RNLS: variants seen among roughly 807,000 people sequenced by gnomAD.
RNLS encodes the protein renalase.
In RNLS, 39 loss-of-function variants were observed where a neutral mutation model predicts 39.8. The ratio of observed to expected loss-of-function variants is 0.98; its 90% CI spans 0.76 to 1.28. The LOEUF is 1.28. RNLS is among the 50% of genes most tolerant of loss of function. RNLS has a pLI of 0.00. For synonymous variants in RNLS, 147 were observed against 150.7 expected, an observed-to-expected ratio of 0.98 and a Z score of 0.18; for missense variants, 410 against 413.3, an observed-to-expected ratio of 0.99 and a Z score of 0.07.
At chr10:88,217,478 G>A in the RNLS span, among the ~76,000 whole-genome samples, 1 of 152,084 alleles carries the variant, frequency 6.6e-6, no homozygotes, top group Non-Finnish European at 1.5e-5. Flanking sequence ...CTCACTCTAG[G>A]AGTGTGATCT....
intron 4 of RNLS, among the ~76,000 whole-genome samples, chr10:88,498,864 T>C (rs981183747): frequency 2.0e-4 from 30 of 152,092 alleles, no homozygotes; most frequent in African/African-American, 6.8e-4. Context: ...GTAAATCTTT[T>C]TCGAAGTCTA....
chr10:88,357,415 A>T (rs564710752), intron 5 of RNLS, among the ~76,000 whole-genome samples: 1 of 152,262 alleles, frequency 6.6e-6, no homozygotes, highest in East Asian at 1.9e-4. Context: ...TGTTCTCTAC[A>T]TGACAGATAT....
At chr10:88,492,415 CT>C (rs1487456121) in intron 4 of RNLS, among the ~76,000 whole-genome samples, 1 of 95,630 alleles carries the variant, frequency 1.0e-5, no homozygotes, top group African/African-American at 4.0e-5. Context: ...AATTTTTTTT[CT>C]TTTTCTTTTT....
the RNLS span, among the ~76,000 whole-genome samples, chr10:88,208,528 G>A: frequency 1.3e-5 from 2 of 152,088 alleles, no homozygotes; most frequent in Non-Finnish European, 2.9e-5. Context: ...AATACCAATG[G>A]ACTAGAATAG....
the RNLS span, among the ~76,000 whole-genome samples, chr10:88,227,554 A>G: frequency 0.081 from 12,362 of 152,202 alleles, 606 homozygotes; most frequent in Non-Finnish European, 0.1. Context: ...AGAGCACAGC[A>G]TGTGTTGTTC....
intron 4 of RNLS, among the ~76,000 whole-genome samples, chr10:88,512,260 T>G (rs566678529): frequency 6.6e-6 from 1 of 152,312 alleles, no homozygotes; most frequent in Non-Finnish European, 1.5e-5. Context: ...GCAGTCTGTT[T>G]GCACCCTTTT....
chr10:88,196,826 T>C, the RNLS span, among the ~76,000 whole-genome samples: 1 of 152,212 alleles, frequency 6.6e-6, no homozygotes, highest in South Asian at 2.1e-4. Flanking sequence ...TAATAGCCAA[T>C]TGATAAAATA....
At chr10:88,362,510 A>T in intron 5 of RNLS, 42 bp downstream of exon 5, 4 of 1,570,716 alleles carry the variant, frequency 2.5e-6, no homozygotes, top group Non-Finnish European at 3.5e-6. Context: ...ATCTACACCC[A>T]CCATTGTTGC....
the RNLS span, among the ~76,000 whole-genome samples, chr10:88,262,973 T>C: frequency 1.3e-5 from 2 of 152,092 alleles, no homozygotes; most frequent in African/African-American, 2.4e-5. Context: ...TGGTTAAGAG[T>C]GTAAATTTCA....
At chr10:88,230,466 C>T in the RNLS span, among the ~76,000 whole-genome samples, 3 of 152,124 alleles carry the variant, frequency 2.0e-5, no homozygotes, top group Admixed American at 6.5e-5. Context: ...TCTTCCCTAA[C>T]GGCCTCCTGC....
intron 3 of RNLS, among the ~76,000 whole-genome samples, chr10:88,576,183 A>C (rs1403506510): frequency 6.6e-6 from 1 of 152,176 alleles, no homozygotes; most frequent in Non-Finnish European, 1.5e-5. Flanking sequence ...CTTAACATTT[A>C]TCATGCATCT....
intron 5 of RNLS, among the ~76,000 whole-genome samples, chr10:88,323,554 C>T (rs1234606266): frequency 6.6e-6 from 1 of 152,064 alleles, no homozygotes; most frequent in Non-Finnish European, 1.5e-5. Context: ...TAGGGATACG[C>T]AGTAGAATGA....
At chr10:88,234,210 G>A in the RNLS span, among the ~76,000 whole-genome samples, 3 of 151,496 alleles carry the variant, frequency 2.0e-5, no homozygotes, top group Non-Finnish European at 4.4e-5. Context: ...GAGAGAGGAG[G>A]CTTTAGTGCA....
the RNLS span, among the ~76,000 whole-genome samples, chr10:88,174,021 G>T: frequency 6.6e-6 from 1 of 151,692 alleles, no homozygotes; most frequent in Non-Finnish European, 1.5e-5. Flanking sequence ...TATTGTAAAT[G>T]GGATTACTTT....
At chr10:88,505,111 A>T (rs533315121) in intron 4 of RNLS, among the ~76,000 whole-genome samples, 1 of 152,034 alleles carries the variant, frequency 6.6e-6, no homozygotes, top group African/African-American at 2.4e-5. Flanking sequence ...TCTAAATAAC[A>T]TTCCCTATTA....
chr10:88,583,312 G>GGGCTTTGACAGGACCT lies in RNLS; in HGVS notation c.-123_-122insAGGTCCTGTCAAAGCC. ...GGTTCCGTGCTCCCTGGGCCGACCT[G>GGGCTTTGACAGGACCT]GGCCCTGAGCTTTCCTCCGGCCGGC... On this transcript the variant is annotated 5_prime_UTR_variant, in exon 1 of 7. Transcript: ENST00000331772. The GGGCTTTGACAGGACCT allele has an allele frequency of 6.8e-7, 1 of 1,464,858 alleles. No individual in the cohort carries two copies. The highest frequency in any genetic ancestry group is 9.0e-7 in the Non-Finnish European group (1 of 1,115,518). 90.7% of individuals were successfully genotyped at this position (1,464,858 alleles called of 1,614,324 possible). A position where few individuals can be genotyped will look rare whatever the true frequency, so the allele number is the denominator to read the frequency against.
chr10:88,411,954 G>A (rs889970941), intron 4 of RNLS, among the ~76,000 whole-genome samples: 2 of 152,060 alleles, frequency 1.3e-5, no homozygotes, highest in Non-Finnish European at 2.9e-5. Context: ...CCATAGTAAA[G>A]GGCGAAGGAA....
chr10:88,221,041 C>T, the RNLS span, among the ~76,000 whole-genome samples: 1 of 152,184 alleles, frequency 6.6e-6, no homozygotes, highest in Non-Finnish European at 1.5e-5. Flanking sequence ...AAGACTCCAC[C>T]TGCTCCCATC....
chr10:88,301,123 G>A (rs1291902214), intron 6 of RNLS, among the ~76,000 whole-genome samples: 2 of 152,134 alleles, frequency 1.3e-5, no homozygotes, highest in Non-Finnish European at 2.9e-5. Context: ...GGCAGAGTAA[G>A]TCCCAAGAGT....
Sources: allele counts gnomAD v4.1 joint callset (sites outside exome capture counted in the v4.1 genomes callset), GRCh38; gene constraint gnomAD v4.1.1; transcripts MANE v1.5; gene names NCBI Gene and HGNC (gene_info 2026-07-23, HGNC 2026-07-21).